Variants in ZNF609 observed in about 807,000 individuals in gnomAD.
ZNF609 encodes the protein zinc finger protein 609.
Under a neutral mutation model 109.5 loss-of-function variants are expected in ZNF609, and 11 were observed. That is an observed-to-expected ratio of 0.10 (90% CI 0.06 to 0.17). ZNF609 has a LOEUF of 0.17. ZNF609 is among the 10% of genes least tolerant of loss of function. The pLI, the probability that ZNF609 is intolerant of heterozygous loss-of-function variation, is 1.00. For synonymous variants in ZNF609, 646 were observed against 662.0 expected, an observed-to-expected ratio of 0.98 and a Z score of 0.37; for missense variants, 1,559 against 1,772.4, an observed-to-expected ratio of 0.88 and a Z score of 2.16.
At chr15:64,671,573 A>G (rs577616468) in intron 4 of ZNF609, among the ~76,000 whole-genome samples, 5 of 152,302 alleles carry the variant, frequency 3.3e-5, no homozygotes, top group South Asian at 4.1e-4. Flanking sequence ...GGACCTTTTC[A>G]TGTCGCAATT....
At chr15:64,470,513 T>A (rs1161307107) in intron 1 of ZNF609, 1 of 152,130 alleles carries the variant, frequency 6.6e-6, no homozygotes, top group Non-Finnish European at 1.5e-5. Context: ...AGGAAGTATT[T>A]GCTTTCAAGC....
chr15:64,661,678 C>T (rs1176636352), intron 3 of ZNF609, among the ~76,000 whole-genome samples: 1 of 152,142 alleles, frequency 6.6e-6, no homozygotes, highest in Admixed American at 6.6e-5. Flanking sequence ...AAGCATCTGG[C>T]CTTATTTATC....
intron 2 of ZNF609, among the ~76,000 whole-genome samples, chr15:64,566,233 G>A (rs1320617387): frequency 1.3e-5 from 2 of 152,196 alleles, no homozygotes; most frequent in Non-Finnish European, 2.9e-5. Flanking sequence ...GGGAGACTGA[G>A]GCAGGAGGAT....
At chr15:64,584,863 G>T (rs1403478702) in intron 2 of ZNF609, among the ~76,000 whole-genome samples, 3 of 146,490 alleles carry the variant, frequency 2.0e-5, no homozygotes, top group Non-Finnish European at 4.5e-5. Flanking sequence ...TCTTGACCTC[G>T]TGATCCACCC....
chr15:64,473,191 C>CTTTTTTTTTTT lies in ZNF609; in HGVS notation c.-128+12367_-128+12377dup, dbSNP rs951319279. ...TAAAACTTTTGACTCATATTTGGTT[C>CTTTTTTTTTTT]TTTTTTTTTTTTTTTTTTTTTTTTG... On this transcript the variant is annotated intron_variant, in intron 1 of 9. Coordinates refer to ENST00000326648, the MANE Select transcript of ZNF609 (RefSeq NM_015042.2). 3.6e-3 allele frequency among the ~76,000 whole-genome samples: 277 copies of CTTTTTTTTTTT among 76,062 alleles called. 36 individuals carry two copies. Among genetic ancestry groups the CTTTTTTTTTTT allele is most frequent in the African/African-American group, 0.017 (254 of 15,368 alleles). 49.9% of individuals were successfully genotyped at this position (76,062 alleles called of 152,430 possible). A position where few individuals can be genotyped will look rare whatever the true frequency, so the allele number is the denominator to read the frequency against.
chr15:64,651,717 T>G (rs182722784), intron 3 of ZNF609, among the ~76,000 whole-genome samples: 313 of 152,268 alleles, frequency 2.1e-3, no homozygotes, highest in Non-Finnish European at 3.6e-3. Flanking sequence ...AAAGCATTAT[T>G]GACATAGCAA....
At chr15:64,667,469 G>A (rs1187860599) in intron 3 of ZNF609, among the ~76,000 whole-genome samples, 2 of 152,118 alleles carry the variant, frequency 1.3e-5, no homozygotes, top group Non-Finnish European at 2.9e-5. Context: ...AACACTTTGG[G>A]AGTCTGAGGT....
intron 2 of ZNF609, among the ~76,000 whole-genome samples, chr15:64,526,800 G>T (rs961575671): frequency 1.3e-5 from 2 of 152,096 alleles, no homozygotes; most frequent in Admixed American, 1.3e-4. Context: ...ACCACATGTG[G>T]CTATTTTTGT....
At chr15:64,496,159 G>A (rs1420883452) in intron 1 of ZNF609, among the ~76,000 whole-genome samples, 2 of 152,152 alleles carry the variant, frequency 1.3e-5, no homozygotes, top group East Asian at 3.9e-4. Context: ...GGCATACTTT[G>A]TTTATCATGC....
At chr15:64,634,178 A>G (rs1435459453) in intron 3 of ZNF609, among the ~76,000 whole-genome samples, 2 of 151,962 alleles carry the variant, frequency 1.3e-5, no homozygotes, top group African/African-American at 4.8e-5. Context: ...ATCTAAACAG[A>G]CCCATGGTGA....
At position 64,675,035 on chromosome 15, in the gene ZNF609, G is replaced by A; in HGVS notation, c.2181G>A (p.Lys727=). 5 of 1,614,000 alleles carry A rather than the reference G, an allele frequency of 3.1e-6. No homozygotes were observed. The highest frequency in any genetic ancestry group is 4.2e-6 in the Non-Finnish European group (5 of 1,180,020). Residue 727 remains lysine, a synonymous_variant, in exon 5 of 10, where the codon AAG becomes AAA. Coordinates refer to ENST00000326648, the MANE Select transcript of ZNF609 (RefSeq NM_015042.2). ...VNPALTPAKD[K]KKKDKKKKES... is the part of the protein sequence containing the mutation. ...CTGCCTTGACTCCAGCCAAGGACAA[G>A]AAAAAGAAAGACAAAAAAAAGAAGG...
chr15:64,603,403 C>G lies in ZNF609; in HGVS notation c.748-19424C>G, dbSNP rs570175168. Among the ~76,000 whole-genome samples the G allele has an allele frequency of 8.6e-5, 13 of 151,740 alleles. No homozygotes were observed. The South Asian group carries it at 2.7e-3, about 32-fold the overall frequency. On this transcript the variant is annotated intron_variant, in intron 2 of 9. Transcript: ENST00000326648. The stretch of plus-strand genomic sequence containing the variant: ...CTTCTGCCTCAGCCCCCAGAAGTAG[C>G]TGGGATTACAGGCTCCCACCACACC...
At chr15:64,565,780 G>A (rs920112867) in intron 2 of ZNF609, among the ~76,000 whole-genome samples, 4 of 152,118 alleles carry the variant, frequency 2.6e-5, no homozygotes, top group African/African-American at 9.7e-5. Flanking sequence ...AGGACAGTGA[G>A]TACTTACTTT....
intron 2 of ZNF609, among the ~76,000 whole-genome samples, chr15:64,534,489 A>G (rs904881868): frequency 6.6e-6 from 1 of 151,212 alleles, no homozygotes; most frequent in African/African-American, 2.4e-5. Context: ...TACTTTTTGT[A>G]TTTTTAGTAA....
At chr15:64,642,494 G>C (rs1433163749) in intron 3 of ZNF609, among the ~76,000 whole-genome samples, 1 of 151,766 alleles carries the variant, frequency 6.6e-6, no homozygotes, top group Non-Finnish European at 1.5e-5. Context: ...CAGTATGACA[G>C]TTTAAAAAAA....
chr15:64,658,898 A>G (rs923599568), intron 3 of ZNF609, among the ~76,000 whole-genome samples: 2 of 152,174 alleles, frequency 1.3e-5, no homozygotes, highest in African/African-American at 2.4e-5. Context: ...CAAAGTGTGT[A>G]TTATTCATAA....
At chr15:64,677,802 T>C (rs1399183111) in intron 5 of ZNF609, among the ~76,000 whole-genome samples, 1 of 152,188 alleles carries the variant, frequency 6.6e-6, no homozygotes, top group African/African-American at 2.4e-5. Context: ...AGGGGCAGCC[T>C]CTCCTATTTC....
At chr15:64,664,710 T>G (rs987169173) in intron 3 of ZNF609, among the ~76,000 whole-genome samples, 1 of 152,218 alleles carries the variant, frequency 6.6e-6, no homozygotes, top group African/African-American at 2.4e-5. Context: ...CTTTGACATT[T>G]AAACAAGCCT....
chr15:64,623,201 C>T (rs1895904477), intron 3 of ZNF609, 149 bp downstream of exon 3: 2 of 768,068 alleles, frequency 2.6e-6, no homozygotes, highest in African/African-American at 3.5e-5. Context: ...AGGATTTTAG[C>T]AGACTTAGCA....
Sources: gnomAD v4.1 joint callset for allele counts (sites outside exome capture counted in the v4.1 genomes callset) on GRCh38, gnomAD v4.1.1 for gene constraint, MANE v1.5 for transcripts, NCBI Gene and HGNC (gene_info 2026-07-23, HGNC 2026-07-21) for gene names.